The following TENM2 variants were observed in gnomAD, a reference collection of about 807,000 sequenced individuals.
The protein encoded by TENM2 is teneurin-2.
TENM2 carries 52 observed loss-of-function variants against 245.2 expected under a neutral mutation model. The observed-to-expected ratio is 0.21, with a 90% CI of 0.17 to 0.27. The LOEUF (loss-of-function observed/expected upper bound fraction) is 0.27. Among genes scored for constraint, TENM2 ranks in the 10% least tolerant of loss-of-function variants. The pLI is 1.00. For missense variants in TENM2, 3,046 were observed against 3,666.8 expected, an observed-to-expected ratio of 0.83 and a Z score of 4.37; for synonymous variants, 1,363 against 1,438.9, an observed-to-expected ratio of 0.95 and a Z score of 1.19.
intron 9 of TENM2, among the ~76,000 whole-genome samples, chr5:168,098,692 C>A (rs1793563443): frequency 6.6e-6 from 1 of 152,114 alleles, no homozygotes; most frequent in Non-Finnish European, 1.5e-5. Flanking sequence ...ACCTTGCTTG[C>A]AAAACACCTT....
At chr5:167,075,561 C>A in the TENM2 span, among the ~76,000 whole-genome samples, 1 of 152,292 alleles carries the variant, frequency 6.6e-6, no homozygotes, top group East Asian at 1.9e-4. Context: ...AAAGCTTGAA[C>A]AACTTGCTGA....
intron 27 of TENM2, among the ~76,000 whole-genome samples, chr5:168,253,666 T>C (rs6876164): frequency 0.58 from 86,914 of 150,752 alleles, 25,784 homozygotes; most frequent in South Asian, 0.65. Context: ...ACCTTGTGAT[T>C]CGCCCGCCTC....
In TENM2 at chr5:168,247,716, T is replaced by C; in HGVS notation, c.6777T>C (p.Asp2259=). Residue 2259 remains aspartate, a synonymous_variant, in exon 27 of 29, where the codon GAT becomes GAC. Transcript: ENST00000518659. The surrounding 1 kb of genome is among the most constrained non-coding windows in gnomAD (Gnocchi z 7.8). ...GGGATCGGATAACCAGACTCGGGGATGTGCAGTACAAAATTGACGACGATG... is the reference window on the plus strand; with the variant it reads ...GGGATCGGATAACCAGACTCGGGGACGTGCAGTACAAAATTGACGACGATG... 1.2e-6 allele frequency: 2 copies of C among 1,613,860 alleles called. No homozygotes were observed. Among genetic ancestry groups the C allele is most frequent in the Non-Finnish European group, 1.7e-6 (2 of 1,179,888 alleles).
intron 2 of TENM2, among the ~76,000 whole-genome samples, chr5:167,598,331 A>C (rs774838180): frequency 1.3e-5 from 2 of 152,186 alleles, no homozygotes; most frequent in Non-Finnish European, 2.9e-5. Context: ...CTCATGTGCA[A>C]GTCTCCTGAG....
the TENM2 span, among the ~76,000 whole-genome samples, chr5:167,198,658 G>C: frequency 3.3e-5 from 5 of 152,124 alleles, no homozygotes; most frequent in South Asian, 1.0e-3. Flanking sequence ...TTGCAAGAGA[G>C]ATCATCTCCA....
intron 2 of TENM2, among the ~76,000 whole-genome samples, chr5:167,774,219 A>AGGAAGGAG: frequency 7.2e-6 from 1 of 138,462 alleles, no homozygotes; most frequent in African/African-American, 2.6e-5. Flanking sequence ...GGAGGGAGGA[A>AGGAAGGAG]GGAAGGAAGG....
intron 2 of TENM2, among the ~76,000 whole-genome samples, chr5:167,385,854 ATATG>A (rs1156245470): frequency 0.02 from 2,621 of 129,970 alleles, 47 homozygotes; most frequent in African/African-American, 0.073. Context: ...CATTATATAT[ATATG>A]TGTGTGTGTG....
At chr5:168,109,121 G>A (rs1233343113) in intron 9 of TENM2, among the ~76,000 whole-genome samples, 2 of 152,012 alleles carry the variant, frequency 1.3e-5, no homozygotes, top group Non-Finnish European at 2.9e-5. Context: ...CCAAAAGAAC[G>A]TCCCTCAGCA....
At chr5:167,214,958 C>A in the TENM2 span, among the ~76,000 whole-genome samples, 1 of 152,148 alleles carries the variant, frequency 6.6e-6, no homozygotes, top group Non-Finnish European at 1.5e-5. Context: ...TGATTACCTA[C>A]CATCCCTTCC....
chr5:167,340,754 A>G (rs1299517306), intron 1 of TENM2, among the ~76,000 whole-genome samples: 1 of 152,276 alleles, frequency 6.6e-6, no homozygotes, highest in Non-Finnish European at 1.5e-5. Flanking sequence ...TGGTGCACGT[A>G]AAAGATGGAT....
the TENM2 span, among the ~76,000 whole-genome samples, chr5:167,013,046 C>A: frequency 1.3e-5 from 2 of 151,918 alleles, no homozygotes; most frequent in Non-Finnish European, 2.9e-5. Flanking sequence ...ACCTTGTGGG[C>A]TTATGTGAAG....
chr5:167,838,888 T>C (rs1036183914), intron 2 of TENM2, among the ~76,000 whole-genome samples: 18 of 152,152 alleles, frequency 1.2e-4, no homozygotes, highest in African/African-American at 4.1e-4. Context: ...GTGGCTTTCT[T>C]TGGGGAAATT....
At chr5:167,446,863 G>T (rs1411759843) in intron 2 of TENM2, among the ~76,000 whole-genome samples, 1 of 151,426 alleles carries the variant, frequency 6.6e-6, no homozygotes, top group African/African-American at 2.4e-5. Flanking sequence ...TATTAGTTAT[G>T]GGTTGAGTAT....
At chr5:167,217,368 A>G in the TENM2 span, among the ~76,000 whole-genome samples, 1 of 152,158 alleles carries the variant, frequency 6.6e-6, no homozygotes, top group African/African-American at 2.4e-5. Context: ...AGTATTTAAA[A>G]TATTATTAAG....
the TENM2 span, among the ~76,000 whole-genome samples, chr5:167,279,509 CTTCCT>C: frequency 4.4e-3 from 565 of 127,184 alleles, 5 homozygotes; most frequent in East Asian, 0.018. Context: ...TCTTTCCTTC[CTTCCT>C]TTCCTTCCTT....
At chr5:167,848,947 T>A (rs951759973) in intron 2 of TENM2, among the ~76,000 whole-genome samples, 2 of 152,188 alleles carry the variant, frequency 1.3e-5, no homozygotes, top group African/African-American at 4.8e-5. Flanking sequence ...ACATTGTATA[T>A]TGTGTTAGTT....
intron 5 of TENM2, among the ~76,000 whole-genome samples, chr5:168,027,218 G>A (rs191380214): frequency 6.6e-6 from 1 of 152,080 alleles, no homozygotes; most frequent in African/African-American, 2.4e-5. Flanking sequence ...ACTGATCATG[G>A]GGCTGTGGGG....
chr5:167,923,873 A>G (rs569223312), intron 3 of TENM2, among the ~76,000 whole-genome samples: 1 of 152,174 alleles, frequency 6.6e-6, no homozygotes, highest in African/African-American at 2.4e-5. Flanking sequence ...TTTCCGTCAA[A>G]TGTTCTCAGG....
chr5:167,814,000 C>T (rs1583076169), intron 2 of TENM2, among the ~76,000 whole-genome samples: 1 of 152,108 alleles, frequency 6.6e-6, no homozygotes, highest in Admixed American at 6.6e-5. Context: ...AGCTTCTCAT[C>T]GTCCACCTTT....
Sources: gnomAD v4.1 joint callset for allele counts (sites outside exome capture counted in the v4.1 genomes callset) on GRCh38, gnomAD v4.1.1 for gene constraint, Gnocchi (gnomAD v3.1) non-coding constraint, MANE v1.5 for transcripts, NCBI Gene and HGNC (gene_info 2026-07-23, HGNC 2026-07-21) for gene names.